BAZ1B: variants seen among roughly 807,000 people sequenced by gnomAD.
The protein encoded by BAZ1B is tyrosine-protein kinase BAZ1B.
A neutral mutation model predicts 153.8 loss-of-function variants in BAZ1B; 22 were observed. That is an observed-to-expected ratio of 0.14 (90% CI 0.10 to 0.20). BAZ1B has a LOEUF of 0.20. BAZ1B is among the 10% of genes least tolerant of loss of function. The pLI is 1.00. For synonymous variants in BAZ1B, 676 were observed against 633.4 expected, an observed-to-expected ratio of 1.07 and a Z score of -1.01; for missense variants, 1,325 against 1,799.3, an observed-to-expected ratio of 0.74 and a Z score of 4.77.
At chr7:73,516,152 A>G (rs1790790737) in intron 1 of BAZ1B, among the ~76,000 whole-genome samples, 1 of 152,044 alleles carries the variant, frequency 6.6e-6, no homozygotes, top group Non-Finnish European at 1.5e-5. Flanking sequence ...ACTCAAAAGC[A>G]AAGAGAAAAA....
chr7:73,518,639 G>A (rs750268088), intron 1 of BAZ1B, among the ~76,000 whole-genome samples: 1 of 151,980 alleles, frequency 6.6e-6, no homozygotes, highest in South Asian at 2.1e-4. Flanking sequence ...CCGGTTCAAG[G>A]CTTCCCTGTG....
rs184944402 is a variant in BAZ1B, at chr7:73,475,118, A to G, written c.2593+1750T>C. Among the ~76,000 whole-genome samples the G allele has an allele frequency of 5.9e-5, 9 of 152,324 alleles. No homozygotes were observed. The East Asian group carries it at 1.7e-3, about 29-fold the overall frequency. Reference sequence around the variant, plus strand: ...GGAGAAAAGTCAGAACCTTTAATTCACTGCTGGTGGGCATGTAAAATTGTG... The same window carrying G: ...GGAGAAAAGTCAGAACCTTTAATTCGCTGCTGGTGGGCATGTAAAATTGTG... On this transcript the variant is annotated intron_variant, in intron 7 of 19. Coordinates refer to ENST00000339594, the MANE Select transcript of BAZ1B (RefSeq NM_032408.4).
intron 1 of BAZ1B, among the ~76,000 whole-genome samples, chr7:73,511,072 G>C (rs533257920): frequency 6.6e-6 from 1 of 152,078 alleles, no homozygotes; most frequent in Non-Finnish European, 1.5e-5. Context: ...ATCGAGACCA[G>C]CCTGGCTAAC....
chr7:73,496,281 G>A lies in BAZ1B; in HGVS notation c.571+2216C>T, dbSNP rs151160948. On this transcript the variant is annotated intron_variant, in intron 4 of 19. Coordinates refer to ENST00000339594, the MANE Select transcript of BAZ1B (RefSeq NM_032408.4). ...AAGAGGGAAACTGGAAAATACAGAC[G>A]TTAGCATTCACAATACAGGAGAAAA... Among the ~76,000 whole-genome samples, 29 of 152,244 alleles carry A rather than the reference G, an allele frequency of 1.9e-4. No individual in the cohort carries two copies. In the East Asian group the frequency reaches 5.0e-3, roughly 26 times the overall value.
chr7:73,453,712 C>T (rs1162611317), intron 13 of BAZ1B, among the ~76,000 whole-genome samples: 1 of 152,174 alleles, frequency 6.6e-6, no homozygotes, highest in Admixed American at 6.6e-5. Context: ...GGGCCAGATG[C>T]GGTGGCTCCT....
chr7:73,488,464 G>C (rs557955669), intron 6 of BAZ1B, among the ~76,000 whole-genome samples: 1 of 152,180 alleles, frequency 6.6e-6, no homozygotes, highest in South Asian at 2.1e-4. Flanking sequence ...AGGCATGGTG[G>C]CTCACATCTG....
chr7:73,453,884 TAGA>T (rs1187654066), intron 13 of BAZ1B, among the ~76,000 whole-genome samples: 5 of 151,914 alleles, frequency 3.3e-5, no homozygotes, highest in African/African-American at 1.2e-4. Flanking sequence ...GAGGCTGAAG[TAGA>T]AGGACACCTG....
rs1368650231 is a variant in BAZ1B at position 73,489,408 on chromosome 7, CAAAT to C, written c.694-21_694-18del. On this transcript the variant is annotated intron_variant, in intron 5 of 19. Coordinates refer to ENST00000339594, the MANE Select transcript of BAZ1B (RefSeq NM_032408.4). ...ACTGATGATCTAGGTTAAAAAGAAA[CAAAT>C]AACTCACCACTGGGGTAAAAAGTAA... 1 of 1,613,642 alleles carries C rather than the reference CAAAT, an allele frequency of 6.2e-7. No individual in the cohort carries two copies. The highest frequency in any genetic ancestry group is 8.5e-7 in the Non-Finnish European group (1 of 1,179,646).
At chr7:73,460,585 A>G (rs1305513625) in intron 12 of BAZ1B, among the ~76,000 whole-genome samples, 1 of 152,148 alleles carries the variant, frequency 6.6e-6, no homozygotes, top group Non-Finnish European at 1.5e-5. Context: ...CCCAGACTCA[A>G]GTGATCCTCC....
At chr7:73,506,788 T>C (rs1419247879) in intron 3 of BAZ1B, among the ~76,000 whole-genome samples, 5 of 132,782 alleles carry the variant, frequency 3.8e-5, no homozygotes, top group Non-Finnish European at 8.0e-5. Context: ...GAGGCGGAGG[T>C]TGCAGTGAGC....
At chr7:73,506,283 G>A (rs1206618140) in intron 3 of BAZ1B, among the ~76,000 whole-genome samples, 3 of 151,876 alleles carry the variant, frequency 2.0e-5, no homozygotes, top group Non-Finnish European at 4.4e-5. Flanking sequence ...TGGATCACAA[G>A]GTCTGGAGAT....
rs782607520 is a variant in BAZ1B, at chr7:73,462,612, C to T, written c.3249+310G>A. On this transcript the variant is annotated intron_variant, in intron 12 of 19. Transcript: ENST00000339594. ...TTCACACCTGAAAGCACAGGCATCGCAAGGTAAAGATGTTAAATGATGCTA... is the reference window on the plus strand; with the variant it reads ...TTCACACCTGAAAGCACAGGCATCGTAAGGTAAAGATGTTAAATGATGCTA... 2.3e-4 allele frequency: 74 copies of T among 322,942 alleles called. 1 individual carries two copies. The highest frequency in any genetic ancestry group is 8.2e-5 in the Non-Finnish European group (14 of 171,496). The allele number at this position is 322,942 out of a possible 1,614,324, so 20.0% of individuals were successfully genotyped here.
intron 15 of BAZ1B, 90 bp from the exon 16 acceptor site, chr7:73,447,469 C>T (rs566618713): frequency 7.0e-5 from 100 of 1,428,656 alleles, no homozygotes; most frequent in Non-Finnish European, 9.1e-5. Flanking sequence ...CAGGAAACTT[C>T]TCTTCACAGA....
chr7:73,443,216 C>T (rs1462127698), intron 17 of BAZ1B, among the ~76,000 whole-genome samples: 1 of 152,210 alleles, frequency 6.6e-6, no homozygotes, highest in Non-Finnish European at 1.5e-5. Flanking sequence ...CTGCAGAAAG[C>T]AAAACATGCT....
intron 12 of BAZ1B, among the ~76,000 whole-genome samples, chr7:73,461,119 G>A (rs1788380732): frequency 6.6e-6 from 1 of 152,040 alleles, no homozygotes; most frequent in African/African-American, 2.4e-5. Context: ...GGGATTACAG[G>A]CATGTGCCAC....
intron 3 of BAZ1B, among the ~76,000 whole-genome samples, chr7:73,501,732 G>C (rs1370008269): frequency 6.6e-6 from 1 of 152,022 alleles, no homozygotes; most frequent in Admixed American, 6.6e-5. Flanking sequence ...CTTCTCCCAT[G>C]GATATATCCT....
At chr7:73,445,254 C>T (rs1234333020) in intron 16 of BAZ1B, among the ~76,000 whole-genome samples, 3 of 152,152 alleles carry the variant, frequency 2.0e-5, no homozygotes, top group Non-Finnish European at 4.4e-5. Context: ...ACACTACTTT[C>T]CATTCTATTT....
chr7:73,512,377 A>C (rs1257197270), intron 1 of BAZ1B, among the ~76,000 whole-genome samples: 11 of 151,872 alleles, frequency 7.2e-5, no homozygotes, highest in African/African-American at 2.4e-4. Context: ...TCTTCTTCCA[A>C]TATGGCCAAA....
intron 6 of BAZ1B, among the ~76,000 whole-genome samples, chr7:73,484,183 T>C (rs781833714): frequency 1.3e-5 from 2 of 152,094 alleles, no homozygotes; most frequent in Non-Finnish European, 1.5e-5. Context: ...GGAGAATCGC[T>C]GGAGCCCAGG....
Sources: allele counts gnomAD v4.1 joint callset (sites outside exome capture counted in the v4.1 genomes callset), GRCh38; gene constraint gnomAD v4.1.1; transcripts MANE v1.5; gene names NCBI Gene and HGNC (gene_info 2026-07-23, HGNC 2026-07-21).